The following YAP1 variants were observed in gnomAD, a reference collection of about 807,000 sequenced individuals.
YAP1 encodes the protein Yes1 associated transcriptional regulator.
In YAP1, 5 loss-of-function variants were observed where a neutral mutation model predicts 56.9. That is an observed-to-expected ratio of 0.09 (90% CI 0.05 to 0.18). The LOEUF (loss-of-function observed/expected upper bound fraction) is 0.18. YAP1 is among the 10% of genes least tolerant of loss of function. The probability of loss-of-function intolerance (pLI) is 1.00; values close to 1 mark genes in which losing one functional copy is unlikely to be tolerated. For missense variants in YAP1, 539 were observed against 651.8 expected, an observed-to-expected ratio of 0.83 and a Z score of 1.88; for synonymous variants, 265 against 248.1, an observed-to-expected ratio of 1.07 and a Z score of -0.64.
chr11:102,224,521 C>T (rs1024218597), intron 7 of YAP1, among the ~76,000 whole-genome samples: 9 of 152,316 alleles, frequency 5.9e-5, no homozygotes, highest in Non-Finnish European at 1.3e-4. Flanking sequence ...TTAAATAACA[C>T]ACTTTCTTAA....
At chr11:102,125,378 C>CTTTTTTTTTT (rs141361882) in intron 2 of YAP1, among the ~76,000 whole-genome samples, 3 of 115,318 alleles carry the variant, frequency 2.6e-5, no homozygotes, top group African/African-American at 6.6e-5. Context: ...CTTTTCTTTT[C>CTTTTTTTTTT]TTTTTTTTTT....
chr11:102,172,469 G>A (rs1946965702), intron 3 of YAP1, among the ~76,000 whole-genome samples: 1 of 100,368 alleles, frequency 1.0e-5, no homozygotes, highest in Non-Finnish European at 2.1e-5. Context: ...ACGGCACCAT[G>A]CACAGCGTTT....
At chr11:102,164,507 T>C (rs1015032556) in intron 3 of YAP1, among the ~76,000 whole-genome samples, 3 of 152,232 alleles carry the variant, frequency 2.0e-5, no homozygotes. Flanking sequence ...CTAAAAATTA[T>C]CTCGGCAGTT....
chr11:102,166,854 C>T (rs1946644030), intron 3 of YAP1, among the ~76,000 whole-genome samples: 1 of 152,186 alleles, frequency 6.6e-6, no homozygotes, highest in South Asian at 2.1e-4. Flanking sequence ...TCTTGTTCCT[C>T]ATCCAACTGC....
chr11:102,160,862 C>G (rs909873804), intron 2 of YAP1, among the ~76,000 whole-genome samples: 1 of 152,152 alleles, frequency 6.6e-6, no homozygotes, highest in African/African-American at 2.4e-5. Flanking sequence ...CTTTGCACAT[C>G]TTCAGCTACT....
chr11:102,157,846 GTTT>G (rs988651582), intron 2 of YAP1, among the ~76,000 whole-genome samples: 4 of 152,064 alleles, frequency 2.6e-5, no homozygotes, highest in African/African-American at 9.7e-5. Flanking sequence ...GCATGTTTGG[GTTT>G]TTTTCTCTTT....
At chr11:102,174,202 C>G (rs1279096462) in intron 3 of YAP1, among the ~76,000 whole-genome samples, 1 of 152,128 alleles carries the variant, frequency 6.6e-6, no homozygotes, top group African/African-American at 2.4e-5. Context: ...GGAATGAAAC[C>G]TTTACTGAGT....
intron 2 of YAP1, among the ~76,000 whole-genome samples, chr11:102,138,523 C>G (rs1944816582): frequency 6.6e-6 from 1 of 152,146 alleles, no homozygotes; most frequent in Non-Finnish European, 1.5e-5. Context: ...CCTCCTGAGG[C>G]CATTGTACAA....
intron 2 of YAP1, among the ~76,000 whole-genome samples, chr11:102,161,385 C>G (rs915972485): frequency 6.9e-6 from 1 of 144,148 alleles, no homozygotes; most frequent in African/African-American, 2.6e-5. Flanking sequence ...CACACACACA[C>G]ACTAAACAAT....
intron 4 of YAP1, among the ~76,000 whole-genome samples, chr11:102,201,531 A>G (rs931242828): frequency 6.6e-6 from 1 of 152,226 alleles, no homozygotes; most frequent in African/African-American, 2.4e-5. Flanking sequence ...GTGACTTTAA[A>G]GCACAGTGAT....
chr11:102,137,005 C>T (rs1289026594), intron 2 of YAP1, among the ~76,000 whole-genome samples: 2 of 152,158 alleles, frequency 1.3e-5, no homozygotes, highest in African/African-American at 4.8e-5. Flanking sequence ...CGCAAAGGAC[C>T]TCTTGAAATT....
At chr11:102,187,198 T>C (rs980094887) in intron 4 of YAP1, among the ~76,000 whole-genome samples, 4 of 152,212 alleles carry the variant, frequency 2.6e-5, no homozygotes, top group Non-Finnish European at 4.4e-5. Context: ...TGAGCAGTTA[T>C]TTTGTGTCTT....
At position 102,232,975 on chromosome 11, in the gene YAP1, CAGAA is replaced by C. The variant is rs1950479964; in HGVS notation, c.*3039_*3042del. 1 of 152,126 alleles carries C rather than the reference CAGAA, an allele frequency of 6.6e-6. No individual in the cohort carries two copies. Among genetic ancestry groups the C allele is most frequent in the South Asian group, 2.1e-4 (1 of 4,832 alleles). 9.4% of individuals were successfully genotyped at this position (152,126 alleles called of 1,614,324 possible). On this transcript the variant is annotated 3_prime_UTR_variant, in exon 9 of 9. Transcript: ENST00000282441. The stretch of plus-strand genomic sequence containing the variant: ...TACATGCCTTCTATATGGAACATGG[CAGAA>C]AGACTGAAAAATAACAGTAATTAAT...
chr11:102,156,775 C>CTG (rs553217826), intron 2 of YAP1, among the ~76,000 whole-genome samples: 297 of 152,344 alleles, frequency 1.9e-3, no homozygotes, highest in South Asian at 3.3e-3. Context: ...ATTGAGAGAA[C>CTG]TGTGCTTGCT....
chr11:102,207,630 T>G (rs1192921665), intron 5 of YAP1, among the ~76,000 whole-genome samples: 1 of 152,192 alleles, frequency 6.6e-6, no homozygotes, highest in African/African-American at 2.4e-5. Context: ...TAAAAGTATC[T>G]CTTGAGTGTC....
intron 5 of YAP1, among the ~76,000 whole-genome samples, chr11:102,208,005 C>T (rs1949209753): frequency 6.6e-6 from 1 of 152,174 alleles, no homozygotes; most frequent in Admixed American, 6.5e-5. Context: ...AAAAGGAATA[C>T]AATTGCCTTT....
At position 102,229,315 on chromosome 11, in the gene YAP1, C is replaced by T. The variant is rs117295265; in HGVS notation, c.1277-387C>T. 3.7e-3 allele frequency among the ~76,000 whole-genome samples: 556 copies of T among 152,280 alleles called. 16 individuals carry two copies. The East Asian group carries it at 0.063, about 17-fold the overall frequency. Reference sequence around the variant, plus strand: ...TATTTAAGGCCAAGGTAGGTCTATACCACTCATGTTTATGTTTAGTCTTAT... The same window carrying T: ...TATTTAAGGCCAAGGTAGGTCTATATCACTCATGTTTATGTTTAGTCTTAT... On this transcript the variant is annotated intron_variant, in intron 8 of 8. Coordinates refer to ENST00000282441, the MANE Select transcript of YAP1 (RefSeq NM_001130145.3).
chr11:102,135,308 T>G (rs1216347061), intron 2 of YAP1, among the ~76,000 whole-genome samples: 1 of 152,216 alleles, frequency 6.6e-6, no homozygotes, highest in African/African-American at 2.4e-5. Context: ...AAAACAACCA[T>G]TTTATTGTAT....
chr11:102,172,475 C>CTTTTTTT lies in YAP1; in HGVS notation c.688+9904_688+9905insTTTTTTT, dbSNP rs368895891. On this transcript the variant is annotated intron_variant, in intron 3 of 8. Coordinates refer to ENST00000282441, the MANE Select transcript of YAP1 (RefSeq NM_001130145.3). ...TACAGGCATACGGCACCATGCACAGCGTTTTTTTTTTTTTTTTTTTGGTAG... is the reference window on the plus strand; with the variant it reads ...TACAGGCATACGGCACCATGCACAGCTTTTTTTGTTTTTTTTTTTTTTTTTTTGGTAG... Among the ~76,000 whole-genome samples, 4 of 106,216 alleles carry CTTTTTTT rather than the reference C, an allele frequency of 3.8e-5. 2 individuals are homozygous for CTTTTTTT. The highest frequency in any genetic ancestry group is 7.2e-5 in the African/African-American group (2 of 27,808). 69.7% of individuals were successfully genotyped at this position (106,216 alleles called of 152,430 possible).
Sources: allele counts gnomAD v4.1 joint callset (sites outside exome capture counted in the v4.1 genomes callset), GRCh38; gene constraint gnomAD v4.1.1; transcripts MANE v1.5; gene names NCBI Gene and HGNC (gene_info 2026-07-23, HGNC 2026-07-21).